Variants in MAP3K6 observed in about 807,000 individuals in gnomAD.
MAP3K6 encodes mitogen-activated protein kinase kinase kinase 6.
MAP3K6 carries 105 observed loss-of-function variants against 147.1 expected under a neutral mutation model. That is an observed-to-expected ratio of 0.71 (90% confidence interval 0.61 to 0.84). The LOEUF (loss-of-function observed/expected upper bound fraction) is 0.84, where lower values mean the gene tolerates loss of function less well. Among genes scored for constraint, MAP3K6 ranks in the 40% least tolerant of loss-of-function variants. MAP3K6 has a pLI of 0.00. For synonymous variants in MAP3K6, 695 were observed against 732.4 expected, an observed-to-expected ratio of 0.95 and a Z score of 0.82; for missense variants, 1,569 against 1,715.0, an observed-to-expected ratio of 0.91 and a Z score of 1.50.
chr1:27,363,619 G>T, intron 5 of MAP3K6, 71 bp from the exon 6 acceptor site: 1 of 1,231,120 alleles, frequency 8.1e-7, no homozygotes, highest in Non-Finnish European at 1.1e-6. Context: ...CCAGGGTCCT[G>T]TCCCACTCCT....
At chr1:27,362,509 G>A (rs1261942995) in intron 8 of MAP3K6, 132 bp downstream of exon 8, 2 of 778,258 alleles carry the variant, frequency 2.6e-6, no homozygotes, top group East Asian at 5.4e-5. Flanking sequence ...ACCCAGGTGT[G>A]GGTATGGGCA....
rs2015702605 is a variant in MAP3K6 at position 27,360,371 on chromosome 1, G to A, written c.2055-3C>T. 1.2e-6 allele frequency: 2 copies of A among 1,613,244 alleles called. No individual in the cohort carries two copies. On this transcript the variant is annotated splice_region_variant and splice_polypyrimidine_tract_variant and intron_variant, in intron 15 of 28. Transcript: ENST00000357582. This position sits in a 1 kb window ranked among gnomAD's most constrained non-coding sequence, Gnocchi z 4.5. The stretch of plus-strand genomic sequence containing the variant: ...CTTCATGCAGGGGCTGAGAGAACCT[G>A]AGGGGAGGTAAGGGAGAGAGGAAAG...
intron 27 of MAP3K6, 117 bp from the exon 28 acceptor site, chr1:27,355,862 C>G: frequency 8.6e-7 from 1 of 1,165,224 alleles, no homozygotes; most frequent in Non-Finnish European, 1.3e-6. Context: ...TCACACCCTT[C>G]TGGGCCTCAG....
At position 27,356,720 on chromosome 1, in the gene MAP3K6, A is replaced by C; in HGVS notation, c.3394T>G (p.Ser1132Ala). The change falls in exon 25 of 29, where the codon TCA becomes GCA. Residue 1132 changes from serine to alanine, a missense_variant. Ser to Ala is a moderately conservative substitution (Grantham distance 99). Transcript: ENST00000357582. ...EVEKEAVSPR[S>A]EELSNEGDSQ... Reference sequence around the variant, plus strand: ...TCCCCTTCATTACTCAGCTCCTCTGACCTCGGTGAGACCGCCTCCTTCTCC... The same window carrying C: ...TCCCCTTCATTACTCAGCTCCTCTGCCCTCGGTGAGACCGCCTCCTTCTCC... 1 of 1,585,658 alleles carries C rather than the reference A, an allele frequency of 6.3e-7. No individual in the cohort carries two copies. Among genetic ancestry groups the C allele is most frequent in the Non-Finnish European group, 8.6e-7 (1 of 1,165,432 alleles).
Position 27,360,832 on chromosome 1 carries a change from A to T in MAP3K6, c.1927T>A (p.Tyr643Asn), listed in dbSNP as rs747785076. The T allele has an allele frequency of 3.8e-5, 62 of 1,612,754 alleles. No individual in the cohort carries two copies. Among genetic ancestry groups the T allele is most frequent in the Middle Eastern group, 1.6e-4 (1 of 6,062 alleles). ...EGAGEMLEFD[Y>N]EYTETGERLV... ...CGCTCGCCCGTCTCCGTGTACTCAT[A>T]ATCAAACTGCCGGGCGCGGGGTGAG... The change falls in exon 15 of 29, where the codon TAT becomes AAT. Residue 643 changes from tyrosine (Y) to asparagine (N), a missense_variant. Tyr to Asn is a moderately radical substitution (Grantham distance 143). Coordinates refer to ENST00000357582, the MANE Select transcript of MAP3K6 (RefSeq NM_004672.5). This position sits in a 1 kb window ranked among gnomAD's most constrained non-coding sequence, Gnocchi z 4.5.
In MAP3K6 at chr1:27,366,039, G is replaced by A. The variant is rs916943140; in HGVS notation, c.340+219C>T. Among the ~76,000 whole-genome samples the A allele has an allele frequency of 6.6e-6, 1 of 151,042 alleles. No homozygotes were observed. The highest frequency in any genetic ancestry group is 6.6e-5 in the Admixed American group (1 of 15,128). ...CCCCAACCTCGAGCCCTAGAGCCGC[G>A]CCCGGATCCCTGTCTCGTCCCGAGC... On this transcript the variant is annotated intron_variant, in intron 1 of 28. Coordinates refer to ENST00000357582, the MANE Select transcript of MAP3K6 (RefSeq NM_004672.5). This position sits in a 1 kb window ranked among gnomAD's most constrained non-coding sequence, Gnocchi z 5.5.
chr1:27,355,816 A>C, intron 27 of MAP3K6, 71 bp from the exon 28 acceptor site: 1 of 1,448,416 alleles, frequency 6.9e-7, no homozygotes, highest in Non-Finnish European at 9.7e-7. Context: ...AGACCCAGGT[A>C]CTAGCTCTGC....
chr1:27,363,235 G>A (rs1007797927), intron 6 of MAP3K6, among the ~76,000 whole-genome samples: 3 of 152,116 alleles, frequency 2.0e-5, no homozygotes, highest in Non-Finnish European at 4.4e-5. Context: ...CTTGGACAGC[G>A]GTGACCATAC....
At position 27,364,020 on chromosome 1, in the gene MAP3K6, T is replaced by A. The variant is rs982404484; in HGVS notation, c.761A>T (p.Gln254Leu). The A allele has an allele frequency of 6.2e-7, 1 of 1,612,500 alleles. No individual in the cohort carries two copies. Among genetic ancestry groups the A allele is most frequent in the Admixed American group, 1.7e-5 (1 of 59,980 alleles). Reference sequence around the variant, plus strand: ...CAGGCGAGCCAGCTCCTGCCGCAGCTGTGGCCCACTGAACCGCTCCCGCGC... The same window carrying A: ...CAGGCGAGCCAGCTCCTGCCGCAGCAGTGGCCCACTGAACCGCTCCCGCGC... ...RQARERFSGP[Q>L]LRQELARLQR... The change falls in exon 5 of 29, where the codon CAG becomes CTG. Residue 254 changes from glutamine (Q) to leucine (L), a missense_variant. Transcript: ENST00000357582. This position sits in a 1 kb window ranked among gnomAD's most constrained non-coding sequence, Gnocchi z 4.4.
chr1:27,357,479 C>T lies in MAP3K6; in HGVS notation c.3179G>A (p.Arg1060Gln). 2 of 1,613,578 alleles carry T rather than the reference C, an allele frequency of 1.2e-6. No individual in the cohort carries two copies. The highest frequency in any genetic ancestry group is 2.2e-5 in the East Asian group (1 of 44,876). ...PNRRQLAQEL[R>Q]ALQGRLRAQG... ...GGCCCTCAGCCGTCCTTGCAGCGCCCGCAGCTCCTGGGCGAGCTGCCGGCG... is the reference window on the plus strand; with the variant it reads ...GGCCCTCAGCCGTCCTTGCAGCGCCTGCAGCTCCTGGGCGAGCTGCCGGCG... Residue 1060 changes from arginine (R) to glutamine (Q), a missense_variant, in exon 23 of 29, where the codon CGG (arginine) becomes CAG (glutamine). By Grantham distance (43) the Arg-to-Gln change is conservative. Transcript: ENST00000357582.
chr1:27,357,330 G>T (rs1298370737), intron 23 of MAP3K6, 70 bp downstream of exon 23: 1 of 1,529,658 alleles, frequency 6.5e-7, no homozygotes, highest in African/African-American at 1.4e-5. Flanking sequence ...TCAAGTCCTG[G>T]CACCTCACCA....
At position 27,366,588 on chromosome 1, in the gene MAP3K6, GC is replaced by G; in HGVS notation, c.9del (p.Pro4ArgfsTer22). The G allele has an allele frequency of 2.8e-6, 3 of 1,078,442 alleles. No individual in the cohort carries two copies. The highest frequency in any genetic ancestry group is 1.1e-6 in the Non-Finnish European group (1 of 890,800). The allele number at this position is 1,078,442 out of a possible 1,614,324, so 66.8% of individuals were successfully genotyped here. On this transcript the variant is annotated frameshift_variant, in exon 1 of 29. Transcript: ENST00000357582. LOFTEE classifies it high-confidence loss of function. This position sits in a 1 kb window ranked among gnomAD's most constrained non-coding sequence, Gnocchi z 5.5. ...CGCTCCGCCCCGGACCGGGGACACG[GC>G]CCCGCCATGCGGGGGCGCTCAGGCG... The part of the protein sequence containing the change: MA[G>X]PCPRSGAERA...
intron 5 of MAP3K6, 107 bp downstream of exon 5, chr1:27,363,810 A>G: frequency 4.5e-6 from 5 of 1,115,582 alleles, no homozygotes; most frequent in Non-Finnish European, 6.2e-6. Flanking sequence ...GACATTGGAT[A>G]ATTTGCCCAA....
chr1:27,357,463 C>A lies in MAP3K6; in HGVS notation c.3195G>T (p.Arg1065=), dbSNP rs1287389613. 2 of 1,613,566 alleles carry A rather than the reference C, an allele frequency of 1.2e-6. No individual in the cohort carries two copies. The highest frequency in any genetic ancestry group is 1.7e-6 in the Non-Finnish European group (2 of 1,179,846). The change falls in exon 23 of 29, where the codon CGG becomes CGT. Residue 1065 remains arginine (R), a synonymous_variant. Transcript: ENST00000357582. ...LAQELRALQG[R]LRAQGLGPAL... is the part of the protein sequence containing the mutation. ...CAGGCCCAAGGCCCTGGGCCCTCAG[C>A]CGTCCTTGCAGCGCCCGCAGCTCCT...
Position 27,359,385 on chromosome 1 carries a change from C to T in MAP3K6, c.2425+32G>A. The stretch of plus-strand genomic sequence containing the variant: ...CAAGAGATCTTCTGCCCCAGGTCAG[C>T]ATCCCCACTCACCACCCCCACACCT... On this transcript the variant is annotated intron_variant, in intron 18 of 28. Coordinates refer to ENST00000357582, the MANE Select transcript of MAP3K6 (RefSeq NM_004672.5). The surrounding 1 kb of genome is among the most constrained non-coding windows in gnomAD (Gnocchi z 4.4). The T allele has an allele frequency of 5.6e-6, 9 of 1,613,924 alleles. No individual in the cohort carries two copies. Among genetic ancestry groups the T allele is most frequent in the Non-Finnish European group, 7.6e-6 (9 of 1,179,878 alleles).
chr1:27,356,180 G>A (rs1431609633), intron 26 of MAP3K6, 81 bp from the exon 27 acceptor site: 1 of 1,367,668 alleles, frequency 7.3e-7, no homozygotes, highest in Non-Finnish European at 1.0e-6. Context: ...GTGTTCTCCA[G>A]CCAAGGCCCA....
intron 10 of MAP3K6, 26 bp downstream of exon 10, chr1:27,361,679 G>T: frequency 3.1e-6 from 5 of 1,613,984 alleles, no homozygotes; most frequent in Non-Finnish European, 4.2e-6. Context: ...CCCCTTTCCC[G>T]GGTCCACCAC....
At position 27,358,635 on chromosome 1, in the gene MAP3K6, G is replaced by A. The variant is rs779140877; in HGVS notation, c.2584-24C>T. The A allele has an allele frequency of 6.2e-7, 1 of 1,613,392 alleles. No homozygotes were observed. Among genetic ancestry groups the A allele is most frequent in the African/African-American group, 1.3e-5 (1 of 74,906 alleles). ...ACCTGTGGGGGGAGGGTGAACAAGG[G>A]TGACATTCAGAGGTGTCCAAGGCCC... On this transcript the variant is annotated intron_variant, in intron 19 of 28. Coordinates refer to ENST00000357582, the MANE Select transcript of MAP3K6 (RefSeq NM_004672.5). This position sits in a 1 kb window ranked among gnomAD's most constrained non-coding sequence, Gnocchi z 6.2.
At position 27,357,557 on chromosome 1, in the gene MAP3K6, T is replaced by C. The variant is rs781250790; in HGVS notation, c.3101A>G (p.Asn1034Ser). ...KQEQGARLGR[N>S]HVEELLRCLG... Reference sequence around the variant, plus strand: ...GCAGCGCAGCAGCTCTTCCACATGGTTTCTGCCCAGACGGGCCCCCTGAGA... The same window carrying C: ...GCAGCGCAGCAGCTCTTCCACATGGCTTCTGCCCAGACGGGCCCCCTGAGA... Residue 1034 changes from asparagine to serine, a missense_variant, in exon 23 of 29, where the codon AAC (asparagine) becomes AGC (serine). Physicochemically the swap from Asn to Ser is conservative, Grantham distance 46 (BLOSUM62 1). Transcript: ENST00000357582. The C allele has an allele frequency of 7.5e-6, 12 of 1,610,184 alleles. No homozygotes were observed. Among genetic ancestry groups the C allele is most frequent in the Non-Finnish European group, 1.0e-5 (12 of 1,177,810 alleles).
Sources: allele counts gnomAD v4.1 joint callset (sites outside exome capture counted in the v4.1 genomes callset), GRCh38; gene constraint gnomAD v4.1.1; non-coding constraint Gnocchi (gnomAD v3.1); transcripts MANE v1.5; gene names NCBI Gene and HGNC (gene_info 2026-07-23, HGNC 2026-07-21).